The following NMNAT3 variants were observed in gnomAD, a reference collection of about 807,000 sequenced individuals.
NMNAT3 encodes nicotinamide nucleotide adenylyltransferase 3.
NMNAT3 carries 21 observed loss-of-function variants against 24.8 expected under a neutral mutation model. The ratio of observed to expected loss-of-function variants is 0.85; its 90% confidence interval spans 0.60 to 1.22. The LOEUF (loss-of-function observed/expected upper bound fraction) is 1.22. Among genes scored for constraint, NMNAT3 ranks in the 50% most tolerant of loss-of-function variants. The pLI is 0.00. For synonymous variants in NMNAT3, 136 were observed against 155.2 expected, an observed-to-expected ratio of 0.88 and a Z score of 0.92; for missense variants, 387 against 436.6, an observed-to-expected ratio of 0.89 and a Z score of 1.01.
Position 139,633,258 on chromosome 3 carries a change from G to A in NMNAT3, c.-41+4705C>T, listed in dbSNP as rs186494722. On this transcript the variant is annotated intron_variant, in intron 2 of 6. Coordinates refer to ENST00000643695, the MANE Select transcript of NMNAT3 (RefSeq NM_001320510.2). ...TGCAATGGCACGATCTCAACTCACC[G>A]CAGCCTCTGCCTCCCAGGTTCAAGT... Among the ~76,000 whole-genome samples, 576 of 150,812 alleles carry A rather than the reference G, an allele frequency of 3.8e-3. 2 individuals carry two copies. The highest frequency in any genetic ancestry group is 6.4e-3 in the Non-Finnish European group (436 of 67,862).
chr3:139,637,255 C>G (rs2056535475), intron 2 of NMNAT3: 1 of 152,166 alleles, frequency 6.6e-6, no homozygotes, highest in African/African-American at 2.4e-5. Flanking sequence ...GAGGGCTCTG[C>G]TCTGTGTTAT....
chr3:139,588,862 A>G (rs2054051868), intron 3 of NMNAT3, among the ~76,000 whole-genome samples: 1 of 152,184 alleles, frequency 6.6e-6, no homozygotes, highest in Admixed American at 6.5e-5. Flanking sequence ...GTTTCCCAGA[A>G]TGTCTCTCTG....
Position 139,561,297 on chromosome 3 carries a change from C to T in NMNAT3, c.754G>A (p.Glu252Lys), listed in dbSNP as rs1387240644. 6.2e-7 allele frequency: 1 copy of T among 1,613,996 alleles called. No homozygotes were observed. Among genetic ancestry groups the T allele is most frequent in the Non-Finnish European group, 8.5e-7 (1 of 1,179,978 alleles). ...CCCACGCACACCAAGCCAAACTTCTCCACTATTTCCTGGATGTGCGCATCC... is the reference window on the plus strand; with the variant it reads ...CCCACGCACACCAAGCCAAACTTCTTCACTATTTCCTGGATGTGCGCATCC... Residue 252 changes from glutamate (E) to lysine (K), a missense_variant, in exon 7 of 7, where the codon GAG (glutamate) becomes AAG (lysine). This residue lies in a region of NMNAT3 where 323 missense variants were observed against 345.2 expected (regional missense o/e 0.94). Transcript: ENST00000643695.
At chr3:139,604,679 C>A (rs1408059053) in intron 3 of NMNAT3, among the ~76,000 whole-genome samples, 1 of 152,204 alleles carries the variant, frequency 6.6e-6, no homozygotes, top group African/African-American at 2.4e-5. Context: ...TACATTTTAA[C>A]ACACTGTCTG....
intron 4 of NMNAT3, among the ~76,000 whole-genome samples, chr3:139,581,831 A>C (rs556769563): frequency 1.3e-5 from 2 of 152,322 alleles, no homozygotes; most frequent in African/African-American, 4.8e-5. Flanking sequence ...CATATGAGAC[A>C]ACTTTAATAC....
At chr3:139,655,767 C>T (rs927869598) in intron 1 of NMNAT3, among the ~76,000 whole-genome samples, 39 of 152,186 alleles carry the variant, frequency 2.6e-4, no homozygotes, top group African/African-American at 9.2e-4. Flanking sequence ...ATGTGTTAGA[C>T]CAGTCCTTCC....
intron 1 of NMNAT3, among the ~76,000 whole-genome samples, chr3:139,674,120 G>C (rs2057849283): frequency 1.3e-5 from 2 of 152,166 alleles, no homozygotes; most frequent in Non-Finnish European, 2.9e-5. Context: ...AGCACTTCTG[G>C]GTGGAAAGAG....
chr3:139,574,922 G>A (rs1318910085), intron 5 of NMNAT3, among the ~76,000 whole-genome samples: 1 of 152,190 alleles, frequency 6.6e-6, no homozygotes, highest in Non-Finnish European at 1.5e-5. Context: ...CTAACTGGTA[G>A]CTCTGGAGTC....
chr3:139,638,404 G>A (rs1050738659), intron 1 of NMNAT3, among the ~76,000 whole-genome samples: 1 of 152,132 alleles, frequency 6.6e-6, no homozygotes, highest in East Asian at 1.9e-4. Flanking sequence ...CTAACAGTGG[G>A]CAATATGCCA....
chr3:139,667,146 T>C (rs905982897), intron 1 of NMNAT3, among the ~76,000 whole-genome samples: 4 of 152,240 alleles, frequency 2.6e-5, no homozygotes, highest in African/African-American at 9.6e-5. Flanking sequence ...ATTTGGTTGA[T>C]CTACTTTTAG....
At chr3:139,596,916 G>GTGTGTATATATATA (rs1393197797) in intron 3 of NMNAT3, among the ~76,000 whole-genome samples, 15 of 97,158 alleles carry the variant, frequency 1.5e-4, no homozygotes, top group Non-Finnish European at 2.3e-4. Context: ...TGTCATGTGT[G>GTGTGTATATATATA]TATATATATA....
rs374765504 is a variant in NMNAT3 at position 139,627,708 on chromosome 3, G to C, written c.17C>G (p.Pro6Arg). Residue 6 changes from proline to arginine, a missense_variant, in exon 3 of 7, where the codon CCT becomes CGT. Transcript: ENST00000643695. Reference sequence around the variant, plus strand: ...GGAGCCACAGGCCAGGAGCACCACAGGTATTCGGCTCTTCATCTTGTCAGG... The same window carrying C: ...GGAGCCACAGGCCAGGAGCACCACACGTATTCGGCTCTTCATCTTGTCAGG... 1.8e-4 allele frequency: 292 copies of C among 1,593,742 alleles called. No individual in the cohort carries two copies. The African/African-American group carries it at 3.3e-3, about 18-fold the overall frequency.
chr3:139,652,216 T>G (rs2057079110), intron 1 of NMNAT3, among the ~76,000 whole-genome samples: 1 of 152,184 alleles, frequency 6.6e-6, no homozygotes, highest in African/African-American at 2.4e-5. Flanking sequence ...AGCCCGGGGC[T>G]GTAATGTCCC....
chr3:139,621,901 A>C (rs2055792746), intron 3 of NMNAT3, among the ~76,000 whole-genome samples: 1 of 152,198 alleles, frequency 6.6e-6, no homozygotes, highest in Non-Finnish European at 1.5e-5. Context: ...TGTTGCTGTA[A>C]ATGACATGAT....
chr3:139,574,725 C>T (rs1016168427), intron 5 of NMNAT3, among the ~76,000 whole-genome samples: 2 of 152,158 alleles, frequency 1.3e-5, no homozygotes, highest in African/African-American at 4.8e-5. Flanking sequence ...CTCAGAGCCA[C>T]GTGGACCTCA....
rs75009801 is a variant in NMNAT3, at chr3:139,643,126, A to T, written c.-140-5064T>A. Among the ~76,000 whole-genome samples the T allele has an allele frequency of 1.2e-3, 180 of 152,332 alleles. 3 individuals carry two copies. In the East Asian group the frequency reaches 0.031, roughly 26 times the overall value. On this transcript the variant is annotated intron_variant, in intron 1 of 6. Transcript: ENST00000643695. ...AGAAGCACATGAAAAGATTCTCAAC[A>T]TCCCTAATAACTAGGGAAATAAATT...
At chr3:139,577,420 A>T (rs560343426) in intron 5 of NMNAT3, among the ~76,000 whole-genome samples, 5 of 152,312 alleles carry the variant, frequency 3.3e-5, no homozygotes, top group African/African-American at 7.2e-5. Context: ...TTAGGTGAGA[A>T]ATTGAGACTC....
intron 4 of NMNAT3, among the ~76,000 whole-genome samples, chr3:139,579,389 A>G (rs1939834421): frequency 6.6e-6 from 1 of 152,222 alleles, no homozygotes; most frequent in Admixed American, 6.5e-5. Context: ...GAGGAACAGC[A>G]TGACTTCCCC....
intron 3 of NMNAT3, among the ~76,000 whole-genome samples, chr3:139,593,543 T>C (rs987692115): frequency 6.6e-6 from 1 of 152,130 alleles, no homozygotes; most frequent in Non-Finnish European, 1.5e-5. Flanking sequence ...TATTCCAACA[T>C]TGACCACATA....
Sources: allele counts gnomAD v4.1 joint callset (sites outside exome capture counted in the v4.1 genomes callset), GRCh38; gene constraint gnomAD v4.1.1; regional missense constraint gnomAD v4.1.1; transcripts MANE v1.5; gene names NCBI Gene and HGNC (gene_info 2026-07-23, HGNC 2026-07-21).